CCZ1: variants seen among roughly 807,000 people sequenced by gnomAD.
CCZ1 encodes CCZ1 vacuolar protein trafficking and biogenesis associated.
CCZ1 carries 19 observed loss-of-function variants against 57.8 expected under a neutral mutation model. That is an observed-to-expected ratio of 0.33 (90% CI 0.23 to 0.48). CCZ1 has a LOEUF of 0.48. CCZ1 is among the 20% of genes least tolerant of loss of function. The pLI is 0.99. For synonymous variants in CCZ1, 81 were observed against 167.0 expected, an observed-to-expected ratio of 0.49 and a Z score of 3.97; for missense variants, 200 against 492.0, an observed-to-expected ratio of 0.41 and a Z score of 5.61.
chr7:5,907,345 G>C (rs1781855207), intron 7 of CCZ1, among the ~76,000 whole-genome samples: 1 of 149,472 alleles, frequency 6.7e-6, no homozygotes, highest in Non-Finnish European at 1.5e-5. Flanking sequence ...CTCCTCCACA[G>C]ATGGAAATGA....
chr7:5,905,002 G>A, intron 6 of CCZ1, 92 bp from the exon 7 acceptor site: 1 of 1,186,010 alleles, frequency 8.4e-7, no homozygotes, highest in South Asian at 1.6e-5. Flanking sequence ...TACCATAAAT[G>A]TGAGTCTGAC....
chr7:5,906,909 C>T (rs1181857385), intron 7 of CCZ1, among the ~76,000 whole-genome samples: 5 of 150,196 alleles, frequency 3.3e-5, no homozygotes, highest in African/African-American at 1.2e-4. Flanking sequence ...TTTCTGTTGC[C>T]CAGGCTGGAG....
intron 5 of CCZ1, 125 bp downstream of exon 5, chr7:5,901,829 A>C (rs1562537687): frequency 1.7e-6 from 2 of 1,145,404 alleles, no homozygotes. Flanking sequence ...TTAGAGAAGA[A>C]AATAATGAGG....
At chr7:5,922,736 T>A (rs1388504196) in intron 12 of CCZ1, among the ~76,000 whole-genome samples, 2 of 150,526 alleles carry the variant, frequency 1.3e-5, no homozygotes, top group Admixed American at 6.7e-5. Flanking sequence ...CCACTGGGGA[T>A]GATATGAGGG....
At position 5,907,201 on chromosome 7, in the gene CCZ1, T is replaced by G. The variant is rs577956568; in HGVS notation, c.698+1932T>G. Among the ~76,000 whole-genome samples the G allele has an allele frequency of 1.2e-3, 185 of 149,870 alleles. 16 individuals are homozygous for G. The highest frequency in any genetic ancestry group is 2.1e-4 in the Non-Finnish European group (14 of 67,858). The stretch of plus-strand genomic sequence containing the variant: ...TTGACAAATAGTTTATCAGGCAACC[T>G]TACACTGTACTGACTCAGCTATAGT... On this transcript the variant is annotated intron_variant, in intron 7 of 14. Transcript: ENST00000325974.
At chr7:5,920,469 G>GTTTTTTTTTTTT (rs1562546070) in intron 12 of CCZ1, among the ~76,000 whole-genome samples, 1 of 22,146 alleles carries the variant, frequency 4.5e-5, no homozygotes, top group African/African-American at 3.1e-4. Flanking sequence ...TTTCTCCCTG[G>GTTTTTTTTTTTT]CTTTTTTTTT....
Position 5,926,146 on chromosome 7 carries a change from C to CACGGTCGGCTGATGTTTT in CCZ1, c.*461_*478dup. 1 of 392,310 alleles carries CACGGTCGGCTGATGTTTT rather than the reference C, an allele frequency of 2.5e-6. No individual in the cohort carries two copies. The allele number at this position is 392,310 out of a possible 1,614,324, so 24.3% of individuals were successfully genotyped here. Reference sequence around the variant, plus strand: ...AGCTAGAACCACATGTACACACCACCACGGTCGGCTGATGTTTTAATTTTG... The same window carrying CACGGTCGGCTGATGTTTT: ...AGCTAGAACCACATGTACACACCACCACGGTCGGCTGATGTTTTACGGTCGGCTGATGTTTTAATTTTG... On this transcript the variant is annotated 3_prime_UTR_variant, in exon 15 of 15. Coordinates refer to ENST00000325974, the MANE Select transcript of CCZ1 (RefSeq NM_015622.6).
intron 7 of CCZ1, among the ~76,000 whole-genome samples, chr7:5,905,918 C>CT (rs1781805053): frequency 3.0e-5 from 2 of 66,414 alleles, no homozygotes; most frequent in African/African-American, 5.7e-5. Context: ...TTTTTTTTTT[C>CT]TTTCTTATAG....
At chr7:5,899,332 GGGGTGTGTGTGTGTGTGT>G (rs1490829388) in intron 1 of CCZ1, among the ~76,000 whole-genome samples, 98 of 128,836 alleles carry the variant, frequency 7.6e-4, no homozygotes, top group South Asian at 5.9e-3. Flanking sequence ...TTTCGGGAGG[GGGGTGTGTGTGTGTGTGT>G]GTGTGTGTGT....
At chr7:5,906,771 TA>T (rs1781837208) in intron 7 of CCZ1, among the ~76,000 whole-genome samples, 2 of 150,740 alleles carry the variant, frequency 1.3e-5, no homozygotes, top group Admixed American at 6.6e-5. Context: ...CAAGTTACTG[TA>T]AAGAAATTTG....
At chr7:5,899,678 G>A (rs1482881733) in intron 1 of CCZ1, among the ~76,000 whole-genome samples, 1 of 147,514 alleles carries the variant, frequency 6.8e-6, no homozygotes, top group Non-Finnish European at 1.5e-5. Context: ...GAGGCCAGAG[G>A]ATCGCTTGAG....
At chr7:5,911,127 C>T (rs561026116) in intron 8 of CCZ1, among the ~76,000 whole-genome samples, 4 of 149,080 alleles carry the variant, frequency 2.7e-5, no homozygotes, top group African/African-American at 7.5e-5. Context: ...CCTCTATCAA[C>T]AGGAGACCTA....
chr7:5,913,948 T>C (rs2128613372), intron 10 of CCZ1, among the ~76,000 whole-genome samples: 1 of 132,452 alleles, frequency 7.5e-6, no homozygotes, highest in African/African-American at 2.7e-5. Flanking sequence ...CTGCTCATTC[T>C]GGCATTTCTT....
At position 5,905,195 on chromosome 7, in the gene CCZ1, C is replaced by T. The variant is rs1371974344; in HGVS notation, c.624C>T (p.Ser208=). The T allele has an allele frequency of 1.1e-5, 17 of 1,566,018 alleles. No homozygotes were observed. The highest frequency in any genetic ancestry group is 1.4e-5 in the Non-Finnish European group (16 of 1,154,392). ...AAATGACTTATTTGAAAATCCAGTC[C>T]TTTATTAATAGAATGGAGGAAAGCC... ...LDKMTYLKIQ[S]FINRMEESLN... The change falls in exon 7 of 15, where the codon TCC becomes TCT. Residue 208 remains serine, a synonymous_variant. Coordinates refer to ENST00000325974, the MANE Select transcript of CCZ1 (RefSeq NM_015622.6).
Position 5,914,018 on chromosome 7 carries a change from C to T in CCZ1, c.954+1064C>T, listed in dbSNP as rs1470077657. On this transcript the variant is annotated intron_variant, in intron 10 of 14. Coordinates refer to ENST00000325974, the MANE Select transcript of CCZ1 (RefSeq NM_015622.6). Reference sequence around the variant, plus strand: ...TCAGAGTGAAGCCTCCATCTCTGGTCAGCCTTCTGGTTCCCTCATTGTTAA... The same window carrying T: ...TCAGAGTGAAGCCTCCATCTCTGGTTAGCCTTCTGGTTCCCTCATTGTTAA... 3.5e-5 allele frequency among the ~76,000 whole-genome samples: 5 copies of T among 143,284 alleles called. 1 individual carries two copies. The highest frequency in any genetic ancestry group is 1.3e-4 in the African/African-American group (5 of 38,938). 94.0% of individuals were successfully genotyped at this position (143,284 alleles called of 152,430 possible). A position where few individuals can be genotyped will look rare whatever the true frequency, so the allele number is the denominator to read the frequency against.
At chr7:5,902,885 A>T in intron 6 of CCZ1, 141 bp downstream of exon 6, 1 of 1,100,918 alleles carries the variant, frequency 9.1e-7, no homozygotes, top group Non-Finnish European at 1.2e-6. Flanking sequence ...ACCGTCGCAA[A>T]ACTGGAGCAG....
In CCZ1 at chr7:5,912,926, A is replaced by T. The variant is rs1779070542; in HGVS notation, c.926A>T (p.Tyr309Phe). Residue 309 changes from tyrosine to phenylalanine, a missense_variant, in exon 10 of 15, where the codon TAT becomes TTT. Tyr to Phe is a conservative substitution (Grantham distance 22). Transcript: ENST00000325974. ...PKIFVNTDDT[Y>F]EELHLIVYKA... ...ATTTTTGTAAATACAGATGACACTT[A>T]TGAAGAGCTCCATTTAATCGTTTAT... is the stretch of plus-strand genomic sequence containing the variant. The T allele has an allele frequency of 6.3e-7, 1 of 1,598,012 alleles. No individual in the cohort carries two copies. The highest frequency in any genetic ancestry group is 1.4e-5 in the African/African-American group (1 of 72,768).
At chr7:5,907,796 C>T (rs1369376972) in intron 7 of CCZ1, among the ~76,000 whole-genome samples, 1 of 64,620 alleles carries the variant, frequency 1.5e-5, no homozygotes, top group African/African-American at 5.8e-5. Flanking sequence ...GAAGTAGCAA[C>T]AAAAATAACC....
intron 8 of CCZ1, among the ~76,000 whole-genome samples, chr7:5,911,080 C>G (rs1390120862): frequency 1.3e-5 from 2 of 148,728 alleles, no homozygotes; most frequent in Admixed American, 6.6e-5. Context: ...TTTAAAATGC[C>G]AGTGATCTTT....
Sources: allele counts gnomAD v4.1 joint callset (sites outside exome capture counted in the v4.1 genomes callset), GRCh38; gene constraint gnomAD v4.1.1; transcripts MANE v1.5; gene names NCBI Gene and HGNC (gene_info 2026-07-23, HGNC 2026-07-21).